The following SNX18 variants were observed in gnomAD, a reference collection of about 807,000 sequenced individuals.
SNX18 encodes sorting nexin 18, also known as sorting nexin-18.
In SNX18, 35 loss-of-function variants were observed where a neutral mutation model predicts 48.7. That is an observed-to-expected ratio of 0.72 (90% CI 0.55 to 0.95). The LOEUF (loss-of-function observed/expected upper bound fraction) is 0.95, where lower values mean the gene tolerates loss of function less well. SNX18 is among the 40% of genes least tolerant of loss of function. The pLI is 0.00. For synonymous variants in SNX18, 492 were observed against 384.7 expected (o/e 1.28, Z -3.26); for missense variants, 824 against 871.0 (o/e 0.95, Z 0.68).
rs1322184420 is a variant in SNX18, at chr5:54,518,688, G to A, written c.736G>A (p.Gly246Arg). Reference protein sequence around the residue: ...VKSGGEAFVLGEASGFVKDGD... With the variant: ...VKSGGEAFVLREASGFVKDGD... ...GTCCGGCGGGGAGGCCTTCGTGCTGGGGGAGGCGTCAGGCTTCGTGAAGGA... is the reference window on the plus strand; with the variant it reads ...GTCCGGCGGGGAGGCCTTCGTGCTGAGGGAGGCGTCAGGCTTCGTGAAGGA... The change falls in exon 1 of 2, where the codon GGG becomes AGG. Residue 246 changes from glycine to arginine, a missense_variant. Gly to Arg is a moderately radical substitution (Grantham distance 125). Around this residue, in one of 3 missense-constraint regions of SNX18, gnomAD observed 443 missense variants for 503.6 expected, o/e 0.88. Transcript: ENST00000381410. 6.4e-7 allele frequency: 1 copy of A among 1,574,562 alleles called. No individual in the cohort carries two copies. Among genetic ancestry groups the A allele is most frequent in the Non-Finnish European group, 8.6e-7 (1 of 1,161,206 alleles).
the SNX18 span, among the ~76,000 whole-genome samples, chr5:54,591,561 A>C: frequency 1.3e-5 from 2 of 152,200 alleles, no homozygotes; most frequent in Non-Finnish European, 2.9e-5. Context: ...GAAAGCTTGC[A>C]CCATTTGTTG....
chr5:54,522,493 G>C (rs2910807), intron 1 of SNX18, among the ~76,000 whole-genome samples: 79,352 of 151,982 alleles, frequency 0.52, 20,947 homozygotes, highest in Non-Finnish European at 0.55. Context: ...TTTTAATATA[G>C]TTTCCTGATA....
chr5:54,619,302 G>A, the SNX18 span, among the ~76,000 whole-genome samples: 2 of 152,090 alleles, frequency 1.3e-5, no homozygotes, highest in Non-Finnish European at 2.9e-5. Flanking sequence ...CTTGAGCTCA[G>A]GAGTTTGAGA....
the SNX18 span, among the ~76,000 whole-genome samples, chr5:54,595,427 G>C: frequency 6.9e-6 from 1 of 144,310 alleles, no homozygotes; most frequent in Non-Finnish European, 1.6e-5. Flanking sequence ...AGTAGAGACA[G>C]GGTTTCACCA....
rs1038694773 is a variant in SNX18, at chr5:54,544,831, T to C, written c.*1399T>C. 2 of 152,130 alleles carry C rather than the reference T, an allele frequency of 1.3e-5. No homozygotes were observed. Among genetic ancestry groups the C allele is most frequent in the African/African-American group, 4.8e-5 (2 of 41,448 alleles). 9.4% of individuals were successfully genotyped at this position (152,130 alleles called of 1,614,324 possible). Reference sequence around the variant, plus strand: ...TTGCTGAGCTAACTAATGTGATTATTGAGTTTACAGATTTAAAAATTGTCA... The same window carrying C: ...TTGCTGAGCTAACTAATGTGATTATCGAGTTTACAGATTTAAAAATTGTCA... On this transcript the variant is annotated 3_prime_UTR_variant, in exon 2 of 2. Coordinates refer to ENST00000381410, the MANE Select transcript of SNX18 (RefSeq NM_001102575.2).
At chr5:54,519,673 C>T in intron 1 of SNX18, 100 bp downstream of exon 1, 2 of 1,614,186 alleles carry the variant, frequency 1.2e-6, no homozygotes, top group Non-Finnish European at 1.7e-6. Flanking sequence ...GAATCATATT[C>T]TACAGGTGAG....
the SNX18 span, among the ~76,000 whole-genome samples, chr5:54,623,831 AG>A: frequency 1.3e-5 from 2 of 152,208 alleles, no homozygotes; most frequent in African/African-American, 4.8e-5. Flanking sequence ...CTTACTGAAC[AG>A]GTGGACTCTC....
Position 54,518,917 on chromosome 5 carries a change from G to T in SNX18, c.965G>T (p.Arg322Leu). The T allele has an allele frequency of 6.2e-7, 1 of 1,613,934 alleles. No homozygotes were observed. ...AAGCACTTCGACTGGCTGTACGCGC[G>T]CCTGGCGGAGAAGTTCCCGGTCATC... The part of the protein sequence containing the change: ...RYKHFDWLYA[R>L]LAEKFPVISV... The change falls in exon 1 of 2, where the codon CGC becomes CTC. Residue 322 changes from arginine to leucine, a missense_variant. Coordinates refer to ENST00000381410, the MANE Select transcript of SNX18 (RefSeq NM_001102575.2).
intron 1 of SNX18, among the ~76,000 whole-genome samples, chr5:54,535,099 T>C (rs1173887373): frequency 6.6e-6 from 1 of 152,262 alleles, no homozygotes. Flanking sequence ...TTGTTTTCAT[T>C]GTTTTATATT....
At chr5:54,561,146 G>A in the SNX18 span, among the ~76,000 whole-genome samples, 2 of 152,234 alleles carry the variant, frequency 1.3e-5, no homozygotes, top group Middle Eastern at 3.4e-3. Flanking sequence ...GGGTTTAAGC[G>A]ATTCTCCTGC....
At chr5:54,644,816 G>A in the SNX18 span, 1 of 152,394 alleles carries the variant, frequency 6.6e-6, no homozygotes, top group Non-Finnish European at 1.5e-5. Flanking sequence ...AGATAGAAGA[G>A]CCTGGGCTGA....
the SNX18 span, among the ~76,000 whole-genome samples, chr5:54,560,968 C>T: frequency 6.6e-6 from 1 of 152,222 alleles, no homozygotes; most frequent in Non-Finnish European, 1.5e-5. Context: ...TAAGATGTTA[C>T]ATTTGATCAG....
chr5:54,637,064 G>A, the SNX18 span, among the ~76,000 whole-genome samples: 1 of 152,146 alleles, frequency 6.6e-6, no homozygotes, highest in African/African-American at 2.4e-5. Context: ...TTTGCACATT[G>A]ACAAATGCAA....
At chr5:54,576,499 G>C in the SNX18 span, among the ~76,000 whole-genome samples, 2 of 152,132 alleles carry the variant, frequency 1.3e-5, no homozygotes, top group African/African-American at 4.8e-5. Flanking sequence ...TGGGTTGATC[G>C]CAGGGCATCT....
chr5:54,622,072 G>T, the SNX18 span, among the ~76,000 whole-genome samples: 1 of 152,210 alleles, frequency 6.6e-6, no homozygotes, highest in Non-Finnish European at 1.5e-5. Flanking sequence ...AGCTGCCTTT[G>T]GCTGCAAAGA....
chr5:54,563,373 C>T, the SNX18 span, among the ~76,000 whole-genome samples: 2 of 152,140 alleles, frequency 1.3e-5, no homozygotes, highest in Non-Finnish European at 2.9e-5. Context: ...ATCTTTTATA[C>T]TGTCTTTTTA....
At chr5:54,622,979 C>T in the SNX18 span, among the ~76,000 whole-genome samples, 1 of 152,204 alleles carries the variant, frequency 6.6e-6, no homozygotes, top group Admixed American at 6.5e-5. Context: ...TTTTCTTACA[C>T]TCCATAGTTA....
At chr5:54,609,768 A>T in the SNX18 span, among the ~76,000 whole-genome samples, 1 of 152,124 alleles carries the variant, frequency 6.6e-6, no homozygotes, top group Non-Finnish European at 1.5e-5. Flanking sequence ...TATAGTTTGG[A>T]TGTTTGTCCC....
At chr5:54,642,004 A>G in the SNX18 span, among the ~76,000 whole-genome samples, 1 of 152,238 alleles carries the variant, frequency 6.6e-6, no homozygotes, top group African/African-American at 2.4e-5. Flanking sequence ...TTTTATAATA[A>G]AAGGCTGACA....
Sources: gnomAD v4.1 joint callset for allele counts (sites outside exome capture counted in the v4.1 genomes callset) on GRCh38, gnomAD v4.1.1 for gene constraint, gnomAD v4.1.1 regional missense constraint, MANE v1.5 for transcripts, NCBI Gene and HGNC (gene_info 2026-07-23, HGNC 2026-07-21) for gene names.